Variants in CLVS1 observed in about 807,000 individuals in gnomAD.
CLVS1 encodes the protein clavesin 1.
In CLVS1, 10 loss-of-function variants were observed where a neutral mutation model predicts 33.1. The observed-to-expected ratio is 0.30, with a 90% confidence interval of 0.19 to 0.51. CLVS1 has a LOEUF of 0.51. Among genes scored for constraint, CLVS1 ranks in the 20% least tolerant of loss-of-function variants. CLVS1 has a pLI of 0.97. For synonymous variants in CLVS1, 163 were observed against 166.1 expected (o/e 0.98, Z 0.14); for missense variants, 343 against 433.4 (o/e 0.79, Z 1.85).
chr8:61,097,071 A>G (rs1192206586), intron 1 of CLVS1, among the ~76,000 whole-genome samples: 1 of 152,108 alleles, frequency 6.6e-6, no homozygotes, highest in Admixed American at 6.5e-5. Context: ...TATTAAAAAC[A>G]CAGCATAGGC....
chr8:61,435,151 A>G, intron 3 of CLVS1, among the ~76,000 whole-genome samples: 1 of 152,188 alleles, frequency 6.6e-6, no homozygotes, highest in Non-Finnish European at 1.5e-5. Context: ...AAATACCCCC[A>G]TGAGAAGGTT....
chr8:61,184,258 T>C (rs906060657), intron 2 of CLVS1, among the ~76,000 whole-genome samples: 1 of 152,032 alleles, frequency 6.6e-6, no homozygotes, highest in Non-Finnish European at 1.5e-5. Flanking sequence ...AACCGAGGCA[T>C]TGGAAGTAGG....
intron 2 of CLVS1, among the ~76,000 whole-genome samples, chr8:61,347,564 G>A (rs980635023): frequency 6.9e-6 from 1 of 144,442 alleles, no homozygotes; most frequent in Non-Finnish European, 1.5e-5. Flanking sequence ...TATACAACAT[G>A]TTGTACATGT....
intron 2 of CLVS1, among the ~76,000 whole-genome samples, chr8:61,152,880 T>C (rs1290583232): frequency 2.0e-5 from 3 of 152,144 alleles, no homozygotes; most frequent in Admixed American, 6.5e-5. Context: ...TGGTGAGTAG[T>C]AGATTAGGAA....
chr8:61,132,296 C>A (rs1806115554), intron 2 of CLVS1, among the ~76,000 whole-genome samples: 1 of 152,192 alleles, frequency 6.6e-6, no homozygotes, highest in African/African-American at 2.4e-5. Flanking sequence ...GTGGTGAAAA[C>A]CGATGCTGGG....
chr8:61,408,745 C>T (rs1018819591), intron 3 of CLVS1, among the ~76,000 whole-genome samples: 1 of 152,206 alleles, frequency 6.6e-6, no homozygotes, highest in African/African-American at 2.4e-5. Flanking sequence ...CTTGGGGAGA[C>T]ACATTACCTT....
rs759033078 is a variant in CLVS1, at chr8:61,457,906, G to T, written c.742-401G>T. ...TGCAACTTTGTCTAGGCCAGGGAAG[G>T]GGGGAAGGATCTGGAGGACTGGGTG... On this transcript the variant is annotated intron_variant, in intron 4 of 5. Coordinates refer to ENST00000325897, the MANE Select transcript of CLVS1 (RefSeq NM_173519.3). 4.6e-5 allele frequency among the ~76,000 whole-genome samples: 7 copies of T among 152,216 alleles called. No individual in the cohort carries two copies. In the South Asian group the frequency reaches 6.2e-4, roughly 14 times the overall value.
At chr8:61,106,356 C>T (rs1805538438) in intron 1 of CLVS1, among the ~76,000 whole-genome samples, 1 of 152,154 alleles carries the variant, frequency 6.6e-6, no homozygotes, top group South Asian at 2.1e-4. Context: ...TAAAAGATTT[C>T]CAACAACGTT....
At chr8:61,104,248 C>T (rs1805496808) in intron 1 of CLVS1, among the ~76,000 whole-genome samples, 1 of 152,172 alleles carries the variant, frequency 6.6e-6, no homozygotes, top group Admixed American at 6.5e-5. Flanking sequence ...AAGAAGAAAC[C>T]TGGTTCATAC....
chr8:61,395,480 A>G (rs749068762), intron 3 of CLVS1, among the ~76,000 whole-genome samples: 1 of 152,248 alleles, frequency 6.6e-6, no homozygotes, highest in African/African-American at 2.4e-5. Flanking sequence ...ACACACAAAA[A>G]TGATAAATCA....
intron 3 of CLVS1, among the ~76,000 whole-genome samples, chr8:61,417,588 G>C (rs528608938): frequency 2.3e-4 from 35 of 152,242 alleles, no homozygotes; most frequent in Admixed American, 2.1e-3. Flanking sequence ...CATGGAGAAA[G>C]TAAAGACTCC....
chr8:61,247,174 C>T (rs1808830760), intron 2 of CLVS1, among the ~76,000 whole-genome samples: 1 of 152,182 alleles, frequency 6.6e-6, no homozygotes, highest in Non-Finnish European at 1.5e-5. Context: ...GTATACACCA[C>T]ATTTTCTTTA....
chr8:61,000,244 AG>A, the CLVS1 span, among the ~76,000 whole-genome samples: 1 of 152,352 alleles, frequency 6.6e-6, no homozygotes, highest in Non-Finnish European at 1.5e-5. Flanking sequence ...AACTGAAGAG[AG>A]GGCAAGTGAA....
At chr8:60,971,759 G>A in the CLVS1 span, among the ~76,000 whole-genome samples, 1 of 152,224 alleles carries the variant, frequency 6.6e-6, no homozygotes, top group East Asian at 1.9e-4. Flanking sequence ...TGCCCAGAGG[G>A]TAATACCTTG....
chr8:61,438,277 T>A (rs1585974753), intron 3 of CLVS1, among the ~76,000 whole-genome samples: 1 of 152,268 alleles, frequency 6.6e-6, no homozygotes, highest in East Asian at 1.9e-4. Flanking sequence ...GAACATGTGG[T>A]GTTTGGTTTC....
At chr8:61,315,715 C>T (rs1810985435) in intron 2 of CLVS1, among the ~76,000 whole-genome samples, 1 of 152,060 alleles carries the variant, frequency 6.6e-6, no homozygotes, top group African/African-American at 2.4e-5. Context: ...AAGTGGCACC[C>T]CTTAACCTGG....
intron 3 of CLVS1, among the ~76,000 whole-genome samples, chr8:61,452,191 G>A (rs1416015127): frequency 6.6e-6 from 1 of 152,178 alleles, no homozygotes; most frequent in Non-Finnish European, 1.5e-5. Flanking sequence ...TGATGTCTTT[G>A]ATGATTGAGG....
At chr8:61,331,858 TCTC>T (rs1336981724) in intron 2 of CLVS1, among the ~76,000 whole-genome samples, 2 of 150,002 alleles carry the variant, frequency 1.3e-5, no homozygotes, top group Non-Finnish European at 2.9e-5. Flanking sequence ...TCCTTCTTCT[TCTC>T]CTTCTTTTCC....
At chr8:61,091,203 C>G (rs2979418) in intron 1 of CLVS1, among the ~76,000 whole-genome samples, 2 of 152,158 alleles carry the variant, frequency 1.3e-5, no homozygotes, top group Admixed American at 1.3e-4. Context: ...AAGCAGAGAT[C>G]TGAGCGATGT....
Sources: allele counts gnomAD v4.1 joint callset (sites outside exome capture counted in the v4.1 genomes callset), GRCh38; gene constraint gnomAD v4.1.1; transcripts MANE v1.5; gene names NCBI Gene and HGNC (gene_info 2026-07-23, HGNC 2026-07-21).